CCDC178: variants seen among roughly 807,000 people sequenced by gnomAD.
CCDC178 encodes the protein coiled-coil domain-containing protein 178.
A neutral mutation model predicts 117.4 loss-of-function variants in CCDC178; 126 were observed. That is an observed-to-expected ratio of 1.07 (90% CI 0.93 to 1.24). The LOEUF (loss-of-function observed/expected upper bound fraction) is 1.24. CCDC178 is among the 50% of genes most tolerant of loss of function. The pLI is 0.00. For missense variants in CCDC178, 1,030 were observed against 986.9 expected (o/e 1.04, Z -0.59); for synonymous variants, 283 against 313.4 (o/e 0.90, Z 1.02).
intron 20 of CCDC178, among the ~76,000 whole-genome samples, chr18:33,140,535 C>T (rs879466576): frequency 6.6e-6 from 1 of 152,174 alleles, no homozygotes; most frequent in Non-Finnish European, 1.5e-5. Context: ...TAAGATTTTA[C>T]TGCCCTGCTG....
chr18:33,288,576 A>G (rs1214189411), intron 12 of CCDC178, among the ~76,000 whole-genome samples: 1 of 151,744 alleles, frequency 6.6e-6, no homozygotes, highest in Admixed American at 6.6e-5. Flanking sequence ...AGACAAAGAA[A>G]GAGTCACAAT....
intron 22 of CCDC178, among the ~76,000 whole-genome samples, chr18:32,962,923 G>A (rs556442940): frequency 1.1e-4 from 16 of 152,050 alleles, no homozygotes; most frequent in African/African-American, 3.6e-4. Flanking sequence ...GTAACTGAGT[G>A]GTCAAGAATG....
At chr18:33,214,643 T>C (rs1236480048) in intron 19 of CCDC178, among the ~76,000 whole-genome samples, 1 of 152,088 alleles carries the variant, frequency 6.6e-6, no homozygotes, top group Non-Finnish European at 1.5e-5. Context: ...GTAAATGATA[T>C]GTTTCCCTGC....
intron 2 of CCDC178, among the ~76,000 whole-genome samples, chr18:33,435,589 G>A (rs2144984556): frequency 6.8e-6 from 1 of 148,028 alleles, no homozygotes; most frequent in East Asian, 2.0e-4. Flanking sequence ...AGAGAGGCAA[G>A]TGCTATGCCA....
chr18:32,999,994 C>G (rs1025001620), intron 21 of CCDC178, among the ~76,000 whole-genome samples: 8 of 151,830 alleles, frequency 5.3e-5, no homozygotes, highest in Non-Finnish European at 8.8e-5. Flanking sequence ...TAAGACCTCA[C>G]CAAATGAACT....
intron 11 of CCDC178, among the ~76,000 whole-genome samples, chr18:33,296,953 G>A (rs1421380615): frequency 6.6e-6 from 1 of 152,116 alleles, no homozygotes; most frequent in Non-Finnish European, 1.5e-5. Context: ...GAACCCAGGA[G>A]GCAGAGGTTG....
At chr18:33,283,170 CCAATA>C (rs2060046598) in intron 12 of CCDC178, among the ~76,000 whole-genome samples, 1 of 152,098 alleles carries the variant, frequency 6.6e-6, no homozygotes, top group East Asian at 1.9e-4. Context: ...AAGTCAGGGC[CCAATA>C]CAAGTCCTCC....
intron 21 of CCDC178, among the ~76,000 whole-genome samples, chr18:33,029,695 C>T (rs149795481): frequency 6.6e-6 from 1 of 151,844 alleles, no homozygotes; most frequent in East Asian, 1.9e-4. Context: ...ATATGGTGTC[C>T]TTATCATTTA....
rs113543833 is a variant in CCDC178, at chr18:33,386,155, GA to G, written c.208+3384del. On this transcript the variant is annotated intron_variant, in intron 5 of 22. Coordinates refer to ENST00000383096, the MANE Select transcript of CCDC178 (RefSeq NM_001105528.4). ...CCTCCCAGGTCGGGGGGTGAACCAG[GA>G]AGAATTTGAATCCCTAAATAGACCA... Among the ~76,000 whole-genome samples, 403 of 152,258 alleles carry G rather than the reference GA, an allele frequency of 2.6e-3. 3 individuals carry two copies. Among genetic ancestry groups the G allele is most frequent in the African/African-American group, 9.0e-3 (374 of 41,548 alleles).
chr18:33,068,894 A>G (rs2057064122), intron 21 of CCDC178, among the ~76,000 whole-genome samples: 1 of 152,334 alleles, frequency 6.6e-6, no homozygotes. Context: ...TGCTTTGCAG[A>G]TGACATGATC....
chr18:33,099,182 A>G (rs2057587722), intron 20 of CCDC178, among the ~76,000 whole-genome samples: 1 of 152,052 alleles, frequency 6.6e-6, no homozygotes, highest in South Asian at 2.1e-4. Context: ...GCATATTACT[A>G]AGTGTAAACA....
intron 8 of CCDC178, among the ~76,000 whole-genome samples, chr18:33,347,160 T>C (rs1450302514): frequency 6.6e-6 from 1 of 152,178 alleles, no homozygotes; most frequent in Non-Finnish European, 1.5e-5. Flanking sequence ...GACTGATGCC[T>C]ATAAACACTG....
intron 18 of CCDC178, among the ~76,000 whole-genome samples, chr18:33,219,983 G>C (rs72947198): frequency 6.6e-6 from 1 of 151,776 alleles, no homozygotes; most frequent in East Asian, 1.9e-4. Flanking sequence ...AATAATTCAC[G>C]AGTTAGAAAT....
At chr18:33,438,005 C>T (rs537694897) in intron 2 of CCDC178, among the ~76,000 whole-genome samples, 1 of 152,204 alleles carries the variant, frequency 6.6e-6, no homozygotes, top group African/African-American at 2.4e-5. Flanking sequence ...ATTTACCTAA[C>T]TGAATTTTTA....
At chr18:33,332,455 C>A (rs1304724230) in intron 10 of CCDC178, among the ~76,000 whole-genome samples, 1 of 151,926 alleles carries the variant, frequency 6.6e-6, no homozygotes, top group African/African-American at 2.4e-5. Flanking sequence ...TTTAAAAATA[C>A]TTTTATTTCA....
At chr18:33,413,522 G>A (rs1204711332) in intron 2 of CCDC178, among the ~76,000 whole-genome samples, 2 of 92,194 alleles carry the variant, frequency 2.2e-5, no homozygotes, top group Non-Finnish European at 4.6e-5. Flanking sequence ...GATAGAACTG[G>A]GTAAATTGAA....
At chr18:33,328,830 TC>T (rs2062624573) in intron 10 of CCDC178, among the ~76,000 whole-genome samples, 1 of 152,142 alleles carries the variant, frequency 6.6e-6, no homozygotes, top group African/African-American at 2.4e-5. Context: ...CTTTTCCATT[TC>T]TGCAAAAGAT....
chr18:33,130,413 G>T (rs2058056254), intron 20 of CCDC178, among the ~76,000 whole-genome samples: 1 of 151,942 alleles, frequency 6.6e-6, no homozygotes, highest in Admixed American at 6.6e-5. Context: ...AAATTATTAT[G>T]TAGTTTGACT....
At chr18:33,342,912 T>G (rs570236917) in intron 9 of CCDC178, among the ~76,000 whole-genome samples, 2 of 152,332 alleles carry the variant, frequency 1.3e-5, no homozygotes, top group Admixed American at 6.5e-5. Context: ...TGAGACCTTC[T>G]TCCATAGCAG....
Sources: gnomAD v4.1 joint callset for allele counts (sites outside exome capture counted in the v4.1 genomes callset) on GRCh38, gnomAD v4.1.1 for gene constraint, MANE v1.5 for transcripts, NCBI Gene and HGNC (gene_info 2026-07-23, HGNC 2026-07-21) for gene names.